FOXJ2: variants seen among roughly 807,000 people sequenced by gnomAD.
FOXJ2 encodes forkhead box protein J2.
FOXJ2 carries 18 observed loss-of-function variants against 68.4 expected under a neutral mutation model. The observed-to-expected ratio is 0.26, with a 90% CI of 0.18 to 0.39. The LOEUF is 0.39. FOXJ2 is among the 10% of genes least tolerant of loss of function. FOXJ2 has a pLI of 1.00. For missense variants in FOXJ2, 670 were observed against 726.5 expected (o/e 0.92, Z 0.89); for synonymous variants, 274 against 263.2 (o/e 1.04, Z -0.40).
At chr12:8,048,324 G>A in intron 7 of FOXJ2, 35 bp downstream of exon 7, 1 of 1,516,386 alleles carries the variant, frequency 6.6e-7, no homozygotes, top group Non-Finnish European at 8.8e-7. Context: ...TCTAGAGGAG[G>A]GTGGGGTGAT....
rs760771028 is a variant in FOXJ2, at chr12:8,054,332, A to G, written c.*1482A>G. Reference sequence around the variant, plus strand: ...TGTTGAATTTTAGTTACGAGAGGGAAGAACAATTTTACTTCTGTCCTTATT... The same window carrying G: ...TGTTGAATTTTAGTTACGAGAGGGAGGAACAATTTTACTTCTGTCCTTATT... On this transcript the variant is annotated 3_prime_UTR_variant, in exon 11 of 11. Coordinates refer to ENST00000162391, the MANE Select transcript of FOXJ2 (RefSeq NM_018416.3). The G allele has an allele frequency of 3.3e-5, 5 of 152,378 alleles. No homozygotes were observed. In the South Asian group the frequency reaches 8.3e-4, roughly 25 times the overall value. 9.4% of individuals were successfully genotyped at this position (152,378 alleles called of 1,614,324 possible).
At position 8,040,191 on chromosome 12, in the gene FOXJ2, T is replaced by C. The variant is rs374823580; in HGVS notation, c.333+26T>C. The C allele has an allele frequency of 1.1e-5, 17 of 1,608,370 alleles. No individual in the cohort carries two copies. The African/African-American group carries it at 2.3e-4, about 22-fold the overall frequency. On this transcript the variant is annotated intron_variant, in intron 2 of 10. Coordinates refer to ENST00000162391, the MANE Select transcript of FOXJ2 (RefSeq NM_018416.3). This position sits in a 1 kb window ranked among gnomAD's most constrained non-coding sequence, Gnocchi z 4.0. ...GTGGGAATGCTTCTATAATCTTGGC[T>C]TAGGTTTAGGCTTCAACAGCCTTTT...
At chr12:8,045,194 C>G (rs1281042344) in intron 6 of FOXJ2, among the ~76,000 whole-genome samples, 1 of 150,740 alleles carries the variant, frequency 6.6e-6, no homozygotes, top group African/African-American at 2.4e-5. Context: ...CAGGCACGTG[C>G]TACCACGCTT....
At chr12:8,037,440 G>C (rs1195084940) in intron 1 of FOXJ2, among the ~76,000 whole-genome samples, 4 of 152,176 alleles carry the variant, frequency 2.6e-5, no homozygotes, top group African/African-American at 9.7e-5. Flanking sequence ...CTAGGGTAAG[G>C]GTAGGGAAGG....
Position 8,054,984 on chromosome 12 carries a change from C to T in FOXJ2, c.*2134C>T, listed in dbSNP as rs1248329613. On this transcript the variant is annotated 3_prime_UTR_variant, in exon 11 of 11. Transcript: ENST00000162391. ...ATCTGTGTCTTCTGCAAACTAGTCT[C>T]ATGAAGAATTCTGGCGTGCAGCCAG... is the stretch of plus-strand genomic sequence containing the variant. 1 of 152,208 alleles carries T rather than the reference C, an allele frequency of 6.6e-6. No homozygotes were observed. Among genetic ancestry groups the T allele is most frequent in the Non-Finnish European group, 1.5e-5 (1 of 68,050 alleles). 9.4% of individuals were successfully genotyped at this position (152,208 alleles called of 1,614,324 possible).
rs780175918 is a variant in FOXJ2 at position 8,040,448 on chromosome 12, G to A, written c.333+283G>A. 6.6e-6 allele frequency among the ~76,000 whole-genome samples: 1 copy of A among 151,522 alleles called. No individual in the cohort carries two copies. Among genetic ancestry groups the A allele is most frequent in the East Asian group, 1.9e-4 (1 of 5,142 alleles). ...TCTTCTTTTTTTTTTTTGAGACAGA[G>A]TCTCGTACTGTCGCCTGGGCTGGGG... On this transcript the variant is annotated intron_variant, in intron 2 of 10. Transcript: ENST00000162391. This position sits in a 1 kb window ranked among gnomAD's most constrained non-coding sequence, Gnocchi z 4.0.
chr12:8,042,325 AG>A (rs1946977388), intron 2 of FOXJ2, among the ~76,000 whole-genome samples: 1 of 152,160 alleles, frequency 6.6e-6, no homozygotes, highest in Admixed American at 6.5e-5. Context: ...GGGTAGATTG[AG>A]GAACTGGGCA....
At chr12:8,050,046 C>T (rs1947094996) in intron 9 of FOXJ2, 1 of 182,554 alleles carries the variant, frequency 5.5e-6, no homozygotes, top group Non-Finnish European at 1.1e-5. Flanking sequence ...TCACGGCTCA[C>T]TGCAACCTTG....
chr12:8,033,842 T>G lies in FOXJ2; in HGVS notation c.-15+9T>G, dbSNP rs928080643. ...AGGAACCTTGGAGACAGGTTAGTGCTTTCTTTCATCTTCTCTCTGTCATTG... is the reference window on the plus strand; with the variant it reads ...AGGAACCTTGGAGACAGGTTAGTGCGTTCTTTCATCTTCTCTCTGTCATTG... On this transcript the variant is annotated intron_variant, in intron 1 of 10. Coordinates refer to ENST00000162391, the MANE Select transcript of FOXJ2 (RefSeq NM_018416.3). 4 of 152,708 alleles carry G rather than the reference T, an allele frequency of 2.6e-5. No individual in the cohort carries two copies. The highest frequency in any genetic ancestry group is 1.5e-5 in the Non-Finnish European group (1 of 68,126). 9.5% of individuals were successfully genotyped at this position (152,708 alleles called of 1,614,324 possible). A position where few individuals can be genotyped will look rare whatever the true frequency, so the allele number is the denominator to read the frequency against.
rs1345668109 is a variant in FOXJ2 at position 8,047,922 on chromosome 12, C to T, written c.858C>T (p.Asn286=). Reference sequence around the variant, plus strand: ...TGGGGGACATCCCACCCTCGAACAACTACTACATGTATCAGCAGCAGCAGC... The same window carrying T: ...TGGGGGACATCCCACCCTCGAACAATTACTACATGTATCAGCAGCAGCAGC... The part of the protein sequence containing the change: ...SLLGDIPPSN[N]YYMYQQQQPP... Residue 286 remains asparagine, a synonymous_variant, in exon 7 of 11, where the codon AAC becomes AAT. Coordinates refer to ENST00000162391, the MANE Select transcript of FOXJ2 (RefSeq NM_018416.3). 1.2e-6 allele frequency: 2 copies of T among 1,611,564 alleles called. No individual in the cohort carries two copies. The highest frequency in any genetic ancestry group is 4.5e-5 in the East Asian group (2 of 44,872).
At position 8,048,204 on chromosome 12, in the gene FOXJ2, C is replaced by T. The variant is rs377376501; in HGVS notation, c.1140C>T (p.His380=). The part of the protein sequence containing the change: ...LQHGGYHPHQ[H]HPHSHPAQQP... ...ATGGAGGCTACCACCCTCATCAGCA[C>T]CATCCCCACTCCCACCCTGCCCAGC... Residue 380 remains histidine (H), a synonymous_variant, in exon 7 of 11, where the codon CAC becomes CAT. Coordinates refer to ENST00000162391, the MANE Select transcript of FOXJ2 (RefSeq NM_018416.3). 4.3e-6 allele frequency: 7 copies of T among 1,612,352 alleles called. No homozygotes were observed. The African/African-American group carries it at 9.3e-5, about 22-fold the overall frequency.
intron 6 of FOXJ2, among the ~76,000 whole-genome samples, chr12:8,046,393 C>G (rs1947037073): frequency 6.6e-6 from 1 of 152,190 alleles, no homozygotes; most frequent in Non-Finnish European, 1.5e-5. Context: ...TTGTTTACCA[C>G]TGAGCCTTCT....
rs1947149577 is a variant in FOXJ2 at position 8,053,286 on chromosome 12, TTTG to T, written c.*439_*441del. The T allele has an allele frequency of 6.6e-6, 1 of 152,634 alleles. No homozygotes were observed. The highest frequency in any genetic ancestry group is 1.5e-5 in the Non-Finnish European group (1 of 68,054). The allele number at this position is 152,634 out of a possible 1,614,324, so 9.5% of individuals were successfully genotyped here. Reference sequence around the variant, plus strand: ...CCCACCTTTTGGCCCTAAATTGTTTTTTGTTCCCATCAGTTTCAGGCCAGGACT... The same window carrying T: ...CCCACCTTTTGGCCCTAAATTGTTTTTTCCCATCAGTTTCAGGCCAGGACT... On this transcript the variant is annotated 3_prime_UTR_variant, in exon 11 of 11. Coordinates refer to ENST00000162391, the MANE Select transcript of FOXJ2 (RefSeq NM_018416.3). This position sits in a 1 kb window ranked among gnomAD's most constrained non-coding sequence, Gnocchi z 4.1.
At position 8,042,982 on chromosome 12, in the gene FOXJ2, G is replaced by A. The variant is rs1041476125; in HGVS notation, c.408+250G>A. On this transcript the variant is annotated intron_variant, in intron 3 of 10. Transcript: ENST00000162391. ...TGTAATCCCAACACTTTAGGTGGCCGAGGCGGGCGGATCAACTGAGGTCAG... is the reference window on the plus strand; with the variant it reads ...TGTAATCCCAACACTTTAGGTGGCCAAGGCGGGCGGATCAACTGAGGTCAG... Among the ~76,000 whole-genome samples, 13 of 152,106 alleles carry A rather than the reference G, an allele frequency of 8.5e-5. No homozygotes were observed. The East Asian group carries it at 1.2e-3, about 14-fold the overall frequency.
In FOXJ2 at chr12:8,043,714, C is replaced by A. The variant is rs1565628804; in HGVS notation, c.422C>A (p.Thr141Lys). 1.9e-6 allele frequency: 3 copies of A among 1,614,050 alleles called. No homozygotes were observed. The highest frequency in any genetic ancestry group is 2.5e-6 in the Non-Finnish European group (3 of 1,180,036). The change falls in exon 4 of 11, where the codon ACA becomes AAA. Residue 141 changes from threonine (T) to lysine (K), a missense_variant. Thr to Lys is a moderately conservative substitution (Grantham distance 78). Transcript: ENST00000162391. ...ATCTCCTTCCAGGGTTCCTATTGGA[C>A]AATTGACACCTGCCCTGACATTTCC... The part of the protein sequence containing the change: ...RDDPGKGSYW[T>K]IDTCPDISRK...
chr12:8,043,628 A>G (rs770837488), intron 3 of FOXJ2, 73 bp from the exon 4 acceptor site: 121 of 1,514,312 alleles, frequency 8.0e-5, no homozygotes, highest in Admixed American at 1.4e-4. Flanking sequence ...TTTGCTCTTC[A>G]TTAATACCCA....
Position 8,040,080 on chromosome 12 carries a change from C to T in FOXJ2, c.248C>T (p.Pro83Leu). 6.2e-7 allele frequency: 1 copy of T among 1,614,202 alleles called. No individual in the cohort carries two copies. The highest frequency in any genetic ancestry group is 8.5e-7 in the Non-Finnish European group (1 of 1,180,046). ...TLITYAINSS[P>L]AKKMTLSEIY... ...ATCACCTATGCCATCAACTCCTCTC[C>T]AGCCAAGAAGATGACCCTCAGCGAG... Residue 83 changes from proline to leucine, a missense_variant, in exon 2 of 11, where the codon CCA becomes CTA. Pro to Leu is a moderately conservative substitution (Grantham distance 98). Coordinates refer to ENST00000162391, the MANE Select transcript of FOXJ2 (RefSeq NM_018416.3). The surrounding 1 kb of genome is among the most constrained non-coding windows in gnomAD (Gnocchi z 4.0).
chr12:8,048,360 G>C, intron 7 of FOXJ2, 71 bp downstream of exon 7: 1 of 1,499,586 alleles, frequency 6.7e-7, no homozygotes, highest in Non-Finnish European at 8.9e-7. Flanking sequence ...CCGGCATGGA[G>C]GTGCAGTTAG....
chr12:8,036,109 A>G (rs1363417078), intron 1 of FOXJ2, among the ~76,000 whole-genome samples: 1 of 152,226 alleles, frequency 6.6e-6, no homozygotes, highest in African/African-American at 2.4e-5. Context: ...AGTGCTCTAA[A>G]AATATTAACT....
Sources: allele counts gnomAD v4.1 joint callset (sites outside exome capture counted in the v4.1 genomes callset), GRCh38; gene constraint gnomAD v4.1.1; non-coding constraint Gnocchi (gnomAD v3.1); transcripts MANE v1.5; gene names NCBI Gene and HGNC (gene_info 2026-07-23, HGNC 2026-07-21).